Variants in TNRC6B observed in about 807,000 individuals in gnomAD.
TNRC6B encodes trinucleotide repeat containing adaptor 6B.
In TNRC6B, 52 loss-of-function variants were observed where a neutral mutation model predicts 203.6. That is an observed-to-expected ratio of 0.26 (90% CI 0.20 to 0.32). The LOEUF is 0.32. Ranked by LOEUF, TNRC6B falls within the 10% of genes least tolerant of loss-of-function variation. The probability of loss-of-function intolerance (pLI) is 1.00; values close to 1 mark genes in which losing one functional copy is unlikely to be tolerated. For synonymous variants in TNRC6B, 838 were observed against 845.7 expected (o/e 0.99, Z 0.16); for missense variants, 1,923 against 2,286.2 (o/e 0.84, Z 3.24).
chr22:40,199,170 A>G (rs1409145601), intron 1 of TNRC6B, among the ~76,000 whole-genome samples: 1 of 152,154 alleles, frequency 6.6e-6, no homozygotes, highest in Non-Finnish European at 1.5e-5. Flanking sequence ...CCTGCTGAGT[A>G]AAAAAGAAAA....
At chr22:40,079,685 C>G (rs73165034) in intron 1 of TNRC6B, among the ~76,000 whole-genome samples, 4 of 152,174 alleles carry the variant, frequency 2.6e-5, no homozygotes, top group Non-Finnish European at 4.4e-5. Context: ...GTGGCACAAT[C>G]ATAGCTCACT....
chr22:40,126,930 A>T (rs2068498962), intron 3 of TNRC6B, among the ~76,000 whole-genome samples: 1 of 151,258 alleles, frequency 6.6e-6, no homozygotes, highest in Non-Finnish European at 1.5e-5. Flanking sequence ...ATAAATTTTT[A>T]AATGGTAATT....
intron 11 of TNRC6B, among the ~76,000 whole-genome samples, chr22:40,283,137 G>A (rs1486509153): frequency 6.6e-6 from 1 of 152,046 alleles, no homozygotes; most frequent in Non-Finnish European, 1.5e-5. Flanking sequence ...CCAGGTTCAC[G>A]CCATTCTCCT....
rs539184342 is a variant in TNRC6B, at chr22:40,077,144, A to G, written c.-121+32146A>G. Among the ~76,000 whole-genome samples, 7 of 152,070 alleles carry G rather than the reference A, an allele frequency of 4.6e-5. No homozygotes were observed. In the East Asian group the frequency reaches 1.4e-3, roughly 29 times the overall value. On this transcript the variant is annotated intron_variant, in intron 1 of 23. Coordinates refer to the TNRC6B transcript ENST00000301923. ...GGGGAGGCGGGGCACTTCTTCCTAT[A>G]CAGTATCGTGCCTTGGAAACCCAGC...
intron 1 of TNRC6B, among the ~76,000 whole-genome samples, chr22:40,068,706 G>A (rs960947512): frequency 1.3e-5 from 2 of 151,840 alleles, no homozygotes; most frequent in Non-Finnish European, 2.9e-5. Context: ...TTTCAATTCT[G>A]TGTTTTGTTT....
At chr22:40,114,855 A>C (rs1009083058) in intron 1 of TNRC6B, among the ~76,000 whole-genome samples, 2 of 151,998 alleles carry the variant, frequency 1.3e-5, no homozygotes, top group African/African-American at 4.8e-5. Flanking sequence ...GTTGTGGAGG[A>C]ATTTGCCGCT....
intron 15 of TNRC6B, among the ~76,000 whole-genome samples, chr22:40,305,547 A>G (rs1415078529): frequency 6.6e-6 from 1 of 152,224 alleles, no homozygotes; most frequent in African/African-American, 2.4e-5. Context: ...ATCAAAATGC[A>G]TCAGACACAT....
intron 1 of TNRC6B, among the ~76,000 whole-genome samples, chr22:40,066,648 G>A (rs1270056087): frequency 6.6e-6 from 1 of 152,092 alleles, no homozygotes; most frequent in Non-Finnish European, 1.5e-5. Context: ...TTGGTAACCT[G>A]ATTAAGATAA....
chr22:40,171,568 T>C (rs2068999253), intron 4 of TNRC6B, among the ~76,000 whole-genome samples: 1 of 152,214 alleles, frequency 6.6e-6, no homozygotes, highest in Admixed American at 6.5e-5. Flanking sequence ...TTTGAACTTG[T>C]ATTTTTTTTT....
chr22:40,214,895 T>G (rs1215832129), intron 1 of TNRC6B, among the ~76,000 whole-genome samples: 1 of 152,144 alleles, frequency 6.6e-6, no homozygotes, highest in Non-Finnish European at 1.5e-5. Flanking sequence ...TCTACAATTA[T>G]CTCAAAAAGT....
intron 12 of TNRC6B, among the ~76,000 whole-genome samples, chr22:40,290,921 T>C (rs2070861959): frequency 6.6e-6 from 1 of 152,234 alleles, no homozygotes; most frequent in Non-Finnish European, 1.5e-5. Context: ...GATCTCTTTA[T>C]GACCAAAGTG....
chr22:40,264,172 A>G (rs1340451131), intron 4 of TNRC6B, among the ~76,000 whole-genome samples: 1 of 152,228 alleles, frequency 6.6e-6, no homozygotes, highest in African/African-American at 2.4e-5. Flanking sequence ...TCGAATATTG[A>G]CATCTACATA....
chr22:40,233,564 G>A (rs546185820), intron 1 of TNRC6B, among the ~76,000 whole-genome samples: 3 of 152,002 alleles, frequency 2.0e-5, no homozygotes, highest in African/African-American at 7.2e-5. Flanking sequence ...GGAGGTTGCA[G>A]TGAGCTGAGA....
At chr22:40,143,872 T>G (rs1161473388) in intron 3 of TNRC6B, among the ~76,000 whole-genome samples, 4 of 152,172 alleles carry the variant, frequency 2.6e-5, no homozygotes, top group African/African-American at 7.2e-5. Flanking sequence ...TGTAAAGAAT[T>G]ACCAAAAATC....
chr22:40,117,241 A>G (rs549649099), intron 2 of TNRC6B: 5 of 152,494 alleles, frequency 3.3e-5, no homozygotes, highest in Admixed American at 6.5e-5. Context: ...ACAGAAAGAT[A>G]TTTTTAAGGT....
At chr22:40,260,633 G>C (rs1014670406) in intron 3 of TNRC6B, among the ~76,000 whole-genome samples, 6 of 152,318 alleles carry the variant, frequency 3.9e-5, no homozygotes, top group African/African-American at 1.4e-4. Flanking sequence ...CTCAGGGGTA[G>C]ATCTTTTAAG....
Position 40,264,857 on chromosome 22 carries a change from ATCT to A in TNRC6B, c.633_635del (p.Ser212del). 2 of 1,613,890 alleles carry A rather than the reference ATCT, an allele frequency of 1.2e-6. No homozygotes were observed. The highest frequency in any genetic ancestry group is 1.1e-5 in the South Asian group (1 of 91,072). On this transcript the variant is annotated inframe_deletion, in exon 5 of 23. Coordinates refer to ENST00000454349, the MANE Select transcript of TNRC6B (RefSeq NM_001162501.2). ...CTTGTATTGCCAGCAAAGACACTGA[ATCT>A]TCTTCCGAAAACACCACCGATAACA...
At chr22:40,249,743 G>A (rs760853963) in intron 2 of TNRC6B, among the ~76,000 whole-genome samples, 12 of 152,180 alleles carry the variant, frequency 7.9e-5, no homozygotes, top group Non-Finnish European at 1.3e-4. Flanking sequence ...TTGGTATGTG[G>A]CTGCATTGTC....
intron 1 of TNRC6B, among the ~76,000 whole-genome samples, chr22:40,221,497 TG>T (rs2069707710): frequency 6.6e-6 from 1 of 152,200 alleles, no homozygotes; most frequent in Non-Finnish European, 1.5e-5. Context: ...TGGAGTGTGG[TG>T]GCACAATCAC....
Sources: allele counts gnomAD v4.1 joint callset (sites outside exome capture counted in the v4.1 genomes callset), GRCh38; gene constraint gnomAD v4.1.1; transcripts MANE v1.5; gene names NCBI Gene and HGNC (gene_info 2026-07-23, HGNC 2026-07-21).